RXYLT1: variants seen among roughly 807,000 people sequenced by gnomAD.
RXYLT1 encodes ribitol-5-phosphate xylosyltransferase 1.
RXYLT1 carries 41 observed loss-of-function variants against 43.5 expected under a neutral mutation model. That is an observed-to-expected ratio of 0.94 (90% CI 0.73 to 1.22). The LOEUF is 1.22. Ranked by LOEUF, RXYLT1 falls within the 50% of genes most tolerant of loss-of-function variation. The probability of loss-of-function intolerance (pLI) is 0.00; values close to 1 mark genes in which losing one functional copy is unlikely to be tolerated. For synonymous variants in RXYLT1, 166 were observed against 194.4 expected, an observed-to-expected ratio of 0.85 and a Z score of 1.21; for missense variants, 514 against 532.0, an observed-to-expected ratio of 0.97 and a Z score of 0.33.
chr12:63,799,120 G>A (rs1898098889), intron 3 of RXYLT1, among the ~76,000 whole-genome samples: 1 of 152,062 alleles, frequency 6.6e-6, no homozygotes. Context: ...GGGAGTTGTG[G>A]ACATCCAAGA....
At chr12:63,802,494 GTTC>G in intron 4 of RXYLT1, 89 bp downstream of exon 4, 1 of 1,306,042 alleles carries the variant, frequency 7.7e-7, no homozygotes, top group East Asian at 2.5e-5. Flanking sequence ...AATAAATTTA[GTTC>G]TTCTGGGATT....
At chr12:63,805,637 G>A (rs1898273897) in intron 5 of RXYLT1, 7 of 366,872 alleles carry the variant, frequency 1.9e-5, no homozygotes, top group Non-Finnish European at 2.9e-5. Context: ...ACTGTCATTT[G>A]CAAATTTCAG....
At position 63,806,243 on chromosome 12, in the gene RXYLT1, A is replaced by T. The variant is rs1241855979; in HGVS notation, c.914+839A>T. ...CAGTAAATACAGCAGTGAACAAAAC[A>T]AAGTCCATGCCCTCCTGGCACTTAA... On this transcript the variant is annotated intron_variant, in intron 5 of 5. Coordinates refer to ENST00000261234, the MANE Select transcript of RXYLT1 (RefSeq NM_014254.3). 2.0e-5 allele frequency: 3 copies of T among 152,262 alleles called. No homozygotes were observed. The East Asian group carries it at 5.8e-4, about 29-fold the overall frequency. 9.4% of individuals were successfully genotyped at this position (152,262 alleles called of 1,614,324 possible).
At chr12:63,786,439 T>C (rs931383514) in intron 3 of RXYLT1, among the ~76,000 whole-genome samples, 1 of 152,182 alleles carries the variant, frequency 6.6e-6, no homozygotes, top group Non-Finnish European at 1.5e-5. Flanking sequence ...TGAATTTTTT[T>C]ATTATCCAGT....
At chr12:63,789,778 T>G (rs1897883733) in intron 3 of RXYLT1, among the ~76,000 whole-genome samples, 2 of 152,148 alleles carry the variant, frequency 1.3e-5, no homozygotes, top group African/African-American at 4.8e-5. Context: ...CGTACATAAT[T>G]TATCCAAAAT....
intron 1 of RXYLT1, 140 bp from the exon 2 acceptor site, chr12:63,780,879 A>T: frequency 1.5e-6 from 1 of 677,340 alleles, no homozygotes; most frequent in Non-Finnish European, 2.2e-6. Flanking sequence ...ATTGTGTATT[A>T]CCAGTTTAAA....
chr12:63,794,707 C>T (rs1431495135), intron 3 of RXYLT1, among the ~76,000 whole-genome samples: 1 of 152,060 alleles, frequency 6.6e-6, no homozygotes, highest in Non-Finnish European at 1.5e-5. Context: ...AATCCCAGCA[C>T]TTTGGGAGGC....
chr12:63,805,223 T>C lies in RXYLT1; in HGVS notation c.744-11T>C. The C allele has an allele frequency of 6.3e-7, 1 of 1,586,270 alleles. No homozygotes were observed. The highest frequency in any genetic ancestry group is 8.5e-7 in the Non-Finnish European group (1 of 1,170,106). ...TATCATATGTTAATTCATGTGTATTTATTTTTATAGATACAGGAATTTTCC... is the reference window on the plus strand; with the variant it reads ...TATCATATGTTAATTCATGTGTATTCATTTTTATAGATACAGGAATTTTCC... On this transcript the variant is annotated splice_polypyrimidine_tract_variant and intron_variant, in intron 4 of 5. Transcript: ENST00000261234.
intron 1 of RXYLT1, 58 bp downstream of exon 1, chr12:63,780,187 C>G (rs1897644058): frequency 1.4e-5 from 19 of 1,398,242 alleles, no homozygotes; most frequent in Non-Finnish European, 1.7e-5. Flanking sequence ...GGCTGCTGGG[C>G]GGCTGGGGCC....
chr12:63,780,934 G>T, intron 1 of RXYLT1, 85 bp from the exon 2 acceptor site: 12 of 1,163,120 alleles, frequency 1.0e-5, no homozygotes, highest in Non-Finnish European at 1.4e-5. Flanking sequence ...GATGAAATTA[G>T]AACTAACACT....
chr12:63,801,856 A>G (rs986559189), intron 3 of RXYLT1, among the ~76,000 whole-genome samples: 1 of 152,034 alleles, frequency 6.6e-6, no homozygotes, highest in Non-Finnish European at 1.5e-5. Context: ...AAACTATCAC[A>G]TTTTGTATTA....
chr12:63,780,175 G>GGGGCTGCT (rs1241728174), intron 1 of RXYLT1, 46 bp downstream of exon 1: 2 of 1,408,884 alleles, frequency 1.4e-6, no homozygotes, highest in Non-Finnish European at 1.8e-6. Flanking sequence ...GCTCCTGGCT[G>GGGGCTGCT]GGGCTGCTGG....
rs1304352869 is a variant in RXYLT1, at chr12:63,779,974, G to A, written c.14G>A (p.Arg5Gln). 2.5e-6 allele frequency: 4 copies of A among 1,610,972 alleles called. No homozygotes were observed. Among genetic ancestry groups the A allele is most frequent in the Non-Finnish European group, 3.4e-6 (4 of 1,178,902 alleles). MRLT[R>Q]KRLCSFLIAL... ...AGCCCGAGTGGGATGCGGCTGACGC[G>A]GAAGCGGCTCTGCTCGTTTCTTATC... is the stretch of plus-strand genomic sequence containing the variant. Residue 5 changes from arginine to glutamine, a missense_variant, in exon 1 of 6, where the codon CGG (arginine) becomes CAG (glutamine). By Grantham distance (43) the Arg-to-Gln change is conservative. Transcript: ENST00000261234.
intron 1 of RXYLT1, chr12:63,780,365 C>T: frequency 7.8e-7 from 1 of 1,288,066 alleles, no homozygotes. Context: ...GGGTGACAGG[C>T]GCGCACGCCT....
At position 63,808,950 on chromosome 12, in the gene RXYLT1, A is replaced by G. The variant is rs1027356045; in HGVS notation, c.1190A>G (p.Glu397Gly). 5 of 1,613,518 alleles carry G rather than the reference A, an allele frequency of 3.1e-6. No individual in the cohort carries two copies. Among genetic ancestry groups the G allele is most frequent in the Non-Finnish European group, 4.2e-6 (5 of 1,179,982 alleles). The change falls in exon 6 of 6, where the codon GAA becomes GGA. Residue 397 changes from glutamate to glycine, a missense_variant. By Grantham distance (98) the Glu-to-Gly change is moderately conservative (BLOSUM62 -2). Transcript: ENST00000261234. ...TGGAAGGAACTCCCTGCTGTTTTAG[A>G]AAAAGAGAAAACTATAATTTTACAA... is the stretch of plus-strand genomic sequence containing the variant. Reference protein sequence around the residue: ...KNWKELPAVLEKEKTIILQEK... With the variant: ...KNWKELPAVLGKEKTIILQEK...
chr12:63,801,957 T>C (rs902553006), intron 3 of RXYLT1, 134 bp from the exon 4 acceptor site: 2 of 802,262 alleles, frequency 2.5e-6, no homozygotes, highest in African/African-American at 3.5e-5. Context: ...GATTGTATTA[T>C]AGAAATTTTA....
chr12:63,788,571 A>G (rs1219245271), intron 3 of RXYLT1, among the ~76,000 whole-genome samples: 2 of 152,006 alleles, frequency 1.3e-5, no homozygotes, highest in African/African-American at 2.4e-5. Flanking sequence ...TCATGAATCA[A>G]CCTCTGGCAA....
chr12:63,780,046 T>G lies in RXYLT1; in HGVS notation c.86T>G (p.Phe29Cys). ...FSLYAAYHVFFGRRRQAPAGS... is the reference protein window; with the variant it reads ...FSLYAAYHVFCGRRRQAPAGS... ...CTCTACGCTGCCTACCACGTCTTCTTCGGGCGCCGCCGCCAGGCGCCGGCC... is the reference window on the plus strand; with the variant it reads ...CTCTACGCTGCCTACCACGTCTTCTGCGGGCGCCGCCGCCAGGCGCCGGCC... Residue 29 changes from phenylalanine (F) to cysteine (C), a missense_variant, in exon 1 of 6, where the codon TTC becomes TGC. By Grantham distance (205) the Phe-to-Cys change is radical. Coordinates refer to ENST00000261234, the MANE Select transcript of RXYLT1 (RefSeq NM_014254.3). The G allele has an allele frequency of 1.9e-6, 3 of 1,598,388 alleles. No individual in the cohort carries two copies. The South Asian group carries it at 3.3e-5, about 18-fold the overall frequency.
At chr12:63,802,581 T>G (rs1898188312) in intron 4 of RXYLT1, among the ~76,000 whole-genome samples, 176 bp downstream of exon 4, 1 of 152,156 alleles carries the variant, frequency 6.6e-6, no homozygotes, top group African/African-American at 2.4e-5. Context: ...AATTATGATG[T>G]TTTTAAGAGT....
Sources: allele counts gnomAD v4.1 joint callset (sites outside exome capture counted in the v4.1 genomes callset), GRCh38; gene constraint gnomAD v4.1.1; transcripts MANE v1.5; gene names NCBI Gene and HGNC (gene_info 2026-07-23, HGNC 2026-07-21).